The following SLC1A1 variants were observed in gnomAD, a reference collection of about 807,000 sequenced individuals.
SLC1A1 encodes solute carrier family 1 member 1, also known as excitatory amino acid transporter 3.
A neutral mutation model predicts 53.3 loss-of-function variants in SLC1A1; 43 were observed. The observed-to-expected ratio is 0.81, with a 90% CI of 0.63 to 1.04. SLC1A1 has a LOEUF of 1.04. SLC1A1 is among the 50% of genes least tolerant of loss of function. SLC1A1 has a pLI of 0.00. For missense variants in SLC1A1, 748 were observed against 664.9 expected (o/e 1.12, Z -1.37); for synonymous variants, 307 against 243.2 (o/e 1.26, Z -2.44).
intron 1 of SLC1A1, among the ~76,000 whole-genome samples, chr9:4,492,570 A>C (rs969769419): frequency 2.0e-4 from 30 of 152,016 alleles, no homozygotes; most frequent in Admixed American, 2.0e-3. Context: ...AGGCCAAGGA[A>C]GGAGGATTGC....
chr9:4,571,494 G>A (rs1469543083), intron 6 of SLC1A1, among the ~76,000 whole-genome samples: 10 of 152,190 alleles, frequency 6.6e-5, no homozygotes, highest in South Asian at 2.1e-4. Flanking sequence ...TGGCCAACAC[G>A]GCGAAACCCT....
intron 1 of SLC1A1, among the ~76,000 whole-genome samples, chr9:4,541,930 T>A (rs984473720): frequency 6.6e-6 from 1 of 152,146 alleles, no homozygotes; most frequent in East Asian, 1.9e-4. Flanking sequence ...CCTATGAGAC[T>A]CTGACCTCTT....
At chr9:4,548,757 G>A (rs558237898) in intron 2 of SLC1A1, among the ~76,000 whole-genome samples, 2 of 149,004 alleles carry the variant, frequency 1.3e-5, no homozygotes, top group African/African-American at 2.5e-5. Flanking sequence ...ATGGAGTTAT[G>A]AAATGACATA....
chr9:4,512,647 T>C (rs1040670820), intron 1 of SLC1A1, among the ~76,000 whole-genome samples: 2 of 152,338 alleles, frequency 1.3e-5, no homozygotes, highest in Admixed American at 1.3e-4. Context: ...AAGTGTAATA[T>C]TGGTGAAAAG....
At chr9:4,541,333 GCAAA>G (rs1816987793) in intron 1 of SLC1A1, among the ~76,000 whole-genome samples, 1 of 152,194 alleles carries the variant, frequency 6.6e-6, no homozygotes, top group African/African-American at 2.4e-5. Flanking sequence ...CTTCTATACA[GCAAA>G]CAAAGAAGTT....
In SLC1A1 at chr9:4,576,606, G is replaced by C. The variant is rs1003916694; in HGVS notation, c.1036G>C (p.Glu346Gln). ...GCCTGTCACCTTCCGCTGTGCTGAA[G>C]AAAATAACCAGGTGGACAAGAGGAT... Reference protein sequence around the residue: ...TLPVTFRCAEENNQVDKRITR... With the variant: ...TLPVTFRCAEQNNQVDKRITR... The change falls in exon 10 of 12, where the codon GAA becomes CAA. Residue 346 changes from glutamate (E) to glutamine (Q), a missense_variant. Transcript: ENST00000262352. 2 of 1,614,202 alleles carry C rather than the reference G, an allele frequency of 1.2e-6. No individual in the cohort carries two copies. The highest frequency in any genetic ancestry group is 1.7e-6 in the Non-Finnish European group (2 of 1,180,040).
intron 1 of SLC1A1, among the ~76,000 whole-genome samples, chr9:4,526,469 G>T (rs1388307837): frequency 6.6e-6 from 1 of 152,088 alleles, no homozygotes; most frequent in East Asian, 1.9e-4. Context: ...TAAAGGCATG[G>T]ACAAAAAGTA....
At chr9:4,537,892 C>T (rs1816738585) in intron 1 of SLC1A1, among the ~76,000 whole-genome samples, 1 of 151,874 alleles carries the variant, frequency 6.6e-6, no homozygotes, top group African/African-American at 2.4e-5. Flanking sequence ...GAATTATATA[C>T]TTTAAAATGG....
chr9:4,508,803 A>G (rs1820894245), intron 1 of SLC1A1, among the ~76,000 whole-genome samples: 1 of 152,198 alleles, frequency 6.6e-6, no homozygotes. Context: ...TTAAATAGCA[A>G]TTAAAATGCA....
At chr9:4,507,075 C>CA (rs535290001) in intron 1 of SLC1A1, among the ~76,000 whole-genome samples, 293 of 151,088 alleles carry the variant, frequency 1.9e-3, no homozygotes, top group Non-Finnish European at 3.2e-3. Flanking sequence ...ATTAAAAATA[C>CA]AAAAAAAAAT....
chr9:4,490,828 C>T (rs1820207861), intron 1 of SLC1A1, 58 bp downstream of exon 1: 10 of 1,434,122 alleles, frequency 7.0e-6, no homozygotes, highest in East Asian at 2.3e-5. Context: ...TGCGCCCAGG[C>T]CGCGTGCGGC....
chr9:4,539,640 C>G (rs529718311), intron 1 of SLC1A1, among the ~76,000 whole-genome samples: 1 of 152,028 alleles, frequency 6.6e-6, no homozygotes, highest in African/African-American at 2.4e-5. Flanking sequence ...GGCATGATCT[C>G]GGCTCACTGC....
intron 1 of SLC1A1, among the ~76,000 whole-genome samples, chr9:4,528,706 T>C (rs1036737055): frequency 3.9e-5 from 6 of 152,190 alleles, no homozygotes; most frequent in Admixed American, 1.3e-4. Context: ...AGAGGTTTGA[T>C]AAATTGAGCC....
At chr9:4,514,117 G>C (rs1392507757) in intron 1 of SLC1A1, among the ~76,000 whole-genome samples, 1 of 152,150 alleles carries the variant, frequency 6.6e-6, no homozygotes, top group South Asian at 2.1e-4. Flanking sequence ...AATTTTGATG[G>C]TGGCTATAAG....
In SLC1A1 at chr9:4,520,151, G is replaced by A. The variant is rs564080992; in HGVS notation, c.92-24416G>A. Among the ~76,000 whole-genome samples the A allele has an allele frequency of 9.9e-5, 15 of 152,222 alleles. No homozygotes were observed. In the South Asian group the frequency reaches 2.3e-3, roughly 23 times the overall value. Reference sequence around the variant, plus strand: ...CATCTTTTGAGCTGTTAATAAACATGTCTGGCTTCATTTGGGTTTTCAAAT... The same window carrying A: ...CATCTTTTGAGCTGTTAATAAACATATCTGGCTTCATTTGGGTTTTCAAAT... On this transcript the variant is annotated intron_variant, in intron 1 of 11. Coordinates refer to ENST00000262352, the MANE Select transcript of SLC1A1 (RefSeq NM_004170.6).
chr9:4,527,853 C>A (rs140881341), intron 1 of SLC1A1, among the ~76,000 whole-genome samples: 185 of 152,136 alleles, frequency 1.2e-3, no homozygotes, highest in African/African-American at 4.3e-3. Flanking sequence ...AAAGAAGTGG[C>A]ATCTCAACTT....
chr9:4,518,859 G>A (rs908341959), intron 1 of SLC1A1, among the ~76,000 whole-genome samples: 1 of 152,230 alleles, frequency 6.6e-6, no homozygotes, highest in South Asian at 2.1e-4. Flanking sequence ...CTCACCCTGA[G>A]TCTGAGTTGG....
chr9:4,536,557 G>C (rs990589289), intron 1 of SLC1A1, among the ~76,000 whole-genome samples: 2 of 152,180 alleles, frequency 1.3e-5, no homozygotes, highest in Non-Finnish European at 2.9e-5. Flanking sequence ...GTGCTGGAGA[G>C]GATGTGGAGA....
intron 5 of SLC1A1, among the ~76,000 whole-genome samples, chr9:4,566,831 T>G (rs1819535337): frequency 6.6e-6 from 1 of 152,244 alleles, no homozygotes; most frequent in Non-Finnish European, 1.5e-5. Flanking sequence ...CTTTCCCTCC[T>G]ATTTATCTAT....
Sources: gnomAD v4.1 joint callset for allele counts (sites outside exome capture counted in the v4.1 genomes callset) on GRCh38, gnomAD v4.1.1 for gene constraint, MANE v1.5 for transcripts, NCBI Gene and HGNC (gene_info 2026-07-23, HGNC 2026-07-21) for gene names.